UBN1: variants seen among roughly 807,000 people sequenced by gnomAD.
The protein encoded by UBN1 is ubinuclein 1.
In UBN1, 17 loss-of-function variants were observed where a neutral mutation model predicts 108.5. That is an observed-to-expected ratio of 0.16 (90% CI 0.11 to 0.24). The LOEUF is 0.24. Among genes scored for constraint, UBN1 ranks in the 10% least tolerant of loss-of-function variants. The pLI is 1.00. For missense variants in UBN1, 1,595 were observed against 1,394.4 expected (o/e 1.14, Z -2.29); for synonymous variants, 726 against 564.2 (o/e 1.29, Z -4.07).
At chr16:4,849,578 G>A (rs547980493) in intron 1 of UBN1, among the ~76,000 whole-genome samples, 1 of 151,320 alleles carries the variant, frequency 6.6e-6, no homozygotes, top group African/African-American at 2.4e-5. Context: ...GTTTTTAAAG[G>A]GGGATCTTTG....
rs142624764 is a variant in UBN1, at chr16:4,852,953, C to G, written c.36C>G (p.Leu12=). The G allele has an allele frequency of 1.2e-6, 2 of 1,614,168 alleles. No individual in the cohort carries two copies. Among genetic ancestry groups the G allele is most frequent in the Non-Finnish European group, 1.7e-6 (2 of 1,180,032 alleles). ...CCCACAGGGTCCAGTTCACCTCTCT[C>G]CCAGGTTCCCTGAATCCTGCGTTTT... ...SEPHRVQFTS[L]PGSLNPAFLK... The change falls in exon 2 of 18, where the codon CTC becomes CTG. Residue 12 remains leucine, a synonymous_variant. Coordinates refer to ENST00000262376, the MANE Select transcript of UBN1 (RefSeq NM_001079514.3).
At chr16:4,867,325 G>A (rs772228581) in intron 7 of UBN1, among the ~76,000 whole-genome samples, 5 of 152,196 alleles carry the variant, frequency 3.3e-5, no homozygotes, top group African/African-American at 7.2e-5. Context: ...GTTTAACTGC[G>A]TGGATCCACT....
At position 4,880,131 on chromosome 16, in the gene UBN1, G is replaced by A; in HGVS notation, c.3404G>A (p.Ter1135=). The change falls in exon 18 of 18, where the codon TGA becomes TAA. Residue 1135 remains the stop codon, a stop_retained_variant. Coordinates refer to ENST00000262376, the MANE Select transcript of UBN1 (RefSeq NM_001079514.3). ...GKGPAVPRKL[*] Reference sequence around the variant, plus strand: ...GGGCCTGCTGTACCACGGAAATTGTGACCGCTTCAGAGGCAAGGCTTGCCA... The same window carrying A: ...GGGCCTGCTGTACCACGGAAATTGTAACCGCTTCAGAGGCAAGGCTTGCCA... 1 of 1,613,958 alleles carries A rather than the reference G, an allele frequency of 6.2e-7. No homozygotes were observed. The highest frequency in any genetic ancestry group is 8.5e-7 in the Non-Finnish European group (1 of 1,179,988).
In UBN1 at chr16:4,880,859, A is replaced by G. The variant is rs1205710746; in HGVS notation, c.*727A>G. On this transcript the variant is annotated 3_prime_UTR_variant, in exon 18 of 18. Coordinates refer to ENST00000262376, the MANE Select transcript of UBN1 (RefSeq NM_001079514.3). ...GGGACTGTTCTTCACACATCATATT[A>G]TAGGAAGACATAATTCCAGTGCCTT... The G allele has an allele frequency of 6.6e-6, 1 of 152,614 alleles. No individual in the cohort carries two copies. Among genetic ancestry groups the G allele is most frequent in the Non-Finnish European group, 1.5e-5 (1 of 68,052 alleles). 9.5% of individuals were successfully genotyped at this position (152,614 alleles called of 1,614,324 possible).
intron 7 of UBN1, 89 bp downstream of exon 7, chr16:4,861,191 A>G: frequency 7.1e-7 from 1 of 1,411,516 alleles, no homozygotes; most frequent in Non-Finnish European, 9.4e-7. Context: ...TGCCCAGAGA[A>G]ACTCTTAGTG....
intron 8 of UBN1, 142 bp from the exon 9 acceptor site, chr16:4,870,070 G>C (rs868579834): frequency 8.2e-7 from 1 of 1,214,732 alleles, no homozygotes; most frequent in South Asian, 1.5e-5. Context: ...GTGTTTCCTT[G>C]GGCATTCAGT....
chr16:4,874,145 C>G, intron 14 of UBN1, 66 bp from the exon 15 acceptor site: 1 of 1,495,362 alleles, frequency 6.7e-7, no homozygotes, highest in Non-Finnish European at 8.9e-7. Context: ...TGTTTGTATC[C>G]TCACAACAGG....
chr16:4,858,529 T>C, intron 3 of UBN1, 39 bp from the exon 4 acceptor site: 3 of 1,584,104 alleles, frequency 1.9e-6, no homozygotes, highest in Non-Finnish European at 1.7e-6. Flanking sequence ...TCTGTGTGTT[T>C]ATTCAAAAAG....
intron 2 of UBN1, 151 bp from the exon 3 acceptor site, chr16:4,857,839 A>C (rs1782779863): frequency 1.6e-6 from 1 of 620,662 alleles, no homozygotes; most frequent in African/African-American, 1.9e-5. Context: ...TAATTAAGAT[A>C]AACATTGATG....
rs577997897 is a variant in UBN1 at position 4,852,170 on chromosome 16, C to T, written c.-39-709C>T. 43 of 152,254 alleles carry T rather than the reference C, an allele frequency of 2.8e-4. No individual in the cohort carries two copies. The Middle Eastern group carries it at 0.01, about 36-fold the overall frequency. 9.4% of individuals were successfully genotyped at this position (152,254 alleles called of 1,614,324 possible). ...AAAAAGCAGGACACAAAATTGTATACGAAGTAAGCAGAAAACATGTATGGC... is the reference window on the plus strand; with the variant it reads ...AAAAAGCAGGACACAAAATTGTATATGAAGTAAGCAGAAAACATGTATGGC... On this transcript the variant is annotated intron_variant, in intron 1 of 17. Coordinates refer to ENST00000262376, the MANE Select transcript of UBN1 (RefSeq NM_001079514.3).
intron 15 of UBN1, among the ~76,000 whole-genome samples, chr16:4,876,520 CT>C (rs965134618): frequency 6.6e-6 from 1 of 150,598 alleles, no homozygotes; most frequent in Non-Finnish European, 1.5e-5. Context: ...ACATTTTTCC[CT>C]TCACAAAGGA....
At chr16:4,861,347 TTC>T (rs2087051430) in intron 7 of UBN1, among the ~76,000 whole-genome samples, 2 of 152,262 alleles carry the variant, frequency 1.3e-5, no homozygotes, top group South Asian at 2.1e-4. Context: ...GGGGAGATTG[TTC>T]TCTTTCTGTT....
At chr16:4,870,136 C>T in intron 8 of UBN1, 76 bp from the exon 9 acceptor site, 2 of 1,595,074 alleles carry the variant, frequency 1.3e-6, no homozygotes, top group Non-Finnish European at 1.7e-6. Context: ...TAGCTTTCCT[C>T]TCCACGTACG....
chr16:4,851,464 C>G (rs564074801), intron 1 of UBN1, among the ~76,000 whole-genome samples: 2 of 151,654 alleles, frequency 1.3e-5, no homozygotes, highest in Non-Finnish European at 2.9e-5. Context: ...AACAAAAAAC[C>G]TATATACACA....
intron 17 of UBN1, among the ~76,000 whole-genome samples, chr16:4,879,220 T>C (rs962262236): frequency 6.6e-6 from 1 of 152,190 alleles, no homozygotes; most frequent in Admixed American, 6.5e-5. Context: ...AACTCTAACG[T>C]GACACTACAC....
intron 2 of UBN1, among the ~76,000 whole-genome samples, chr16:4,855,245 G>A (rs1355688859): frequency 6.6e-6 from 1 of 152,172 alleles, no homozygotes; most frequent in Non-Finnish European, 1.5e-5. Context: ...TGATCAGTCG[G>A]TCTTATTCAC....
intron 12 of UBN1, among the ~76,000 whole-genome samples, chr16:4,871,575 C>G (rs958442153): frequency 9.8e-5 from 12 of 122,472 alleles, no homozygotes; most frequent in East Asian, 4.3e-4. Flanking sequence ...TATGCACTTT[C>G]CTTTTTTTTT....
In UBN1 at chr16:4,852,869, A is replaced by T. The variant is rs376584364; in HGVS notation, c.-39-10A>T. On this transcript the variant is annotated splice_polypyrimidine_tract_variant and intron_variant, in intron 1 of 17. Transcript: ENST00000262376. ...TCGTTTGACCTGGCCCTTCTTTTCA[A>T]TGTTAACAGAAGCCATGCAGTGACA... 1 of 1,561,584 alleles carries T rather than the reference A, an allele frequency of 6.4e-7. No homozygotes were observed. Among genetic ancestry groups the T allele is most frequent in the African/African-American group, 1.4e-5 (1 of 73,080 alleles).
rs578095643 is a variant in UBN1, at chr16:4,856,777, G to A, written c.250-1213G>A. 3.3e-5 allele frequency among the ~76,000 whole-genome samples: 5 copies of A among 152,290 alleles called. No individual in the cohort carries two copies. The East Asian group carries it at 5.8e-4, about 18-fold the overall frequency. ...TTACATAACCACTCAAGTTATATGC[G>A]ATCATTGTAGAAAAATTAGAAGATC... On this transcript the variant is annotated intron_variant, in intron 2 of 17. Coordinates refer to ENST00000262376, the MANE Select transcript of UBN1 (RefSeq NM_001079514.3).
Sources: allele counts gnomAD v4.1 joint callset (sites outside exome capture counted in the v4.1 genomes callset), GRCh38; gene constraint gnomAD v4.1.1; transcripts MANE v1.5; gene names NCBI Gene and HGNC (gene_info 2026-07-23, HGNC 2026-07-21).